Variants in BMP6 observed in about 807,000 individuals in gnomAD.
The protein encoded by BMP6 is bone morphogenetic protein 6.
Under a neutral mutation model 54.1 loss-of-function variants are expected in BMP6, and 17 were observed. The observed-to-expected ratio is 0.31, with a 90% CI of 0.22 to 0.47. BMP6 has a LOEUF of 0.47. BMP6 is among the 20% of genes least tolerant of loss of function. The pLI is 1.00. For missense variants in BMP6, 720 were observed against 690.4 expected, an observed-to-expected ratio of 1.04 and a Z score of -0.48; for synonymous variants, 328 against 291.2, an observed-to-expected ratio of 1.13 and a Z score of -1.28.
chr6:7,875,890 A>G (rs1051367898), intron 4 of BMP6, among the ~76,000 whole-genome samples: 2 of 152,204 alleles, frequency 1.3e-5, no homozygotes, highest in Admixed American at 6.5e-5. Flanking sequence ...GATCCCTCCA[A>G]TGTGGTCATC....
chr6:7,850,198 A>C (rs1212676180), intron 2 of BMP6, among the ~76,000 whole-genome samples: 1 of 152,060 alleles, frequency 6.6e-6, no homozygotes, highest in Non-Finnish European at 1.5e-5. Context: ...GCTGGAGTGC[A>C]GTGGTGCGAT....
chr6:7,826,104 A>G (rs540154995), intron 1 of BMP6, among the ~76,000 whole-genome samples: 2 of 152,328 alleles, frequency 1.3e-5, no homozygotes, highest in South Asian at 4.1e-4. Context: ...CCCCAGGAGC[A>G]TGCAGTGGTG....
chr6:7,741,345 GAATGC>G (rs1757251855), intron 1 of BMP6, among the ~76,000 whole-genome samples: 3 of 152,238 alleles, frequency 2.0e-5, no homozygotes, highest in Admixed American at 1.3e-4. Flanking sequence ...ACCCAGGCTG[GAATGC>G]AGTGGTGCGA....
At chr6:7,877,578 G>A (rs922128637) in intron 4 of BMP6, among the ~76,000 whole-genome samples, 14 of 151,998 alleles carry the variant, frequency 9.2e-5, no homozygotes, top group African/African-American at 1.5e-4. Context: ...AGCCGAGCTC[G>A]TGCCATTGCA....
At chr6:7,791,158 T>C (rs1413158755) in intron 1 of BMP6, among the ~76,000 whole-genome samples, 1 of 152,176 alleles carries the variant, frequency 6.6e-6, no homozygotes, top group African/African-American at 2.4e-5. Context: ...CATGGTCACT[T>C]GTATGAGAGG....
chr6:7,741,143 T>G (rs1320542905), intron 1 of BMP6, among the ~76,000 whole-genome samples: 1 of 152,202 alleles, frequency 6.6e-6, no homozygotes, highest in Non-Finnish European at 1.5e-5. Context: ...ATTCTGTTTT[T>G]TAAACCCCAG....
At chr6:7,777,185 T>C (rs1354323839) in intron 1 of BMP6, among the ~76,000 whole-genome samples, 1 of 152,204 alleles carries the variant, frequency 6.6e-6, no homozygotes, top group Admixed American at 6.5e-5. Flanking sequence ...AGGTGCCTTC[T>C]GGATCTGTGC....
At chr6:7,796,684 A>G (rs907639617) in intron 1 of BMP6, among the ~76,000 whole-genome samples, 1 of 152,232 alleles carries the variant, frequency 6.6e-6, no homozygotes, top group Non-Finnish European at 1.5e-5. Flanking sequence ...TACTTATAAA[A>G]TAAATGTTTT....
At chr6:7,796,636 A>G (rs1318105831) in intron 1 of BMP6, among the ~76,000 whole-genome samples, 2 of 152,246 alleles carry the variant, frequency 1.3e-5, no homozygotes, top group African/African-American at 2.4e-5. Context: ...GGGTATCTTC[A>G]TAGTGAAGAA....
Position 7,881,684 on chromosome 6 carries a change from TTA to T in BMP6, c.*1343_*1344del, listed in dbSNP as rs1759746328. On this transcript the variant is annotated 3_prime_UTR_variant, in exon 7 of 7. Coordinates refer to ENST00000283147, the MANE Select transcript of BMP6 (RefSeq NM_001718.6). ...AGGTTGGGTTTTTTTAAAAAAAGAA[TTA>T]TCTGTGAACCATACGTGATTAATAA... The T allele has an allele frequency of 1.3e-5, 2 of 151,686 alleles. No individual in the cohort carries two copies. Among genetic ancestry groups the T allele is most frequent in the Non-Finnish European group, 1.5e-5 (1 of 67,628 alleles). The allele number at this position is 151,686 out of a possible 1,614,324, so 9.4% of individuals were successfully genotyped here. A position where few individuals can be genotyped will look rare whatever the true frequency, so the allele number is the denominator to read the frequency against.
intron 4 of BMP6, among the ~76,000 whole-genome samples, chr6:7,865,806 C>T (rs1759412548): frequency 6.6e-6 from 1 of 152,180 alleles, no homozygotes; most frequent in Non-Finnish European, 1.5e-5. Flanking sequence ...GGCGTGCTCC[C>T]AGGGAGTTGA....
intron 2 of BMP6, among the ~76,000 whole-genome samples, chr6:7,848,690 A>G (rs1310090804): frequency 6.6e-6 from 1 of 152,242 alleles, no homozygotes; most frequent in Non-Finnish European, 1.5e-5. Context: ...AGTGGGCAAG[A>G]AGAACCCATC....
At chr6:7,744,335 G>C (rs897145660) in intron 1 of BMP6, among the ~76,000 whole-genome samples, 1 of 152,122 alleles carries the variant, frequency 6.6e-6, no homozygotes, top group Non-Finnish European at 1.5e-5. Flanking sequence ...AATTAGCCTG[G>C]TGTGGTGGCG....
intron 1 of BMP6, among the ~76,000 whole-genome samples, chr6:7,833,937 C>T (rs954936322): frequency 1.3e-5 from 2 of 152,282 alleles, no homozygotes; most frequent in East Asian, 1.9e-4. Context: ...GCAAACTTGC[C>T]TAAAGTATGA....
At chr6:7,773,797 T>C (rs1757823502) in intron 1 of BMP6, among the ~76,000 whole-genome samples, 1 of 152,234 alleles carries the variant, frequency 6.6e-6, no homozygotes, top group South Asian at 2.1e-4. Flanking sequence ...ACGCGTTTAC[T>C]ACCTGACTTT....
chr6:7,803,705 T>C (rs913329922), intron 1 of BMP6, among the ~76,000 whole-genome samples: 14 of 152,308 alleles, frequency 9.2e-5, no homozygotes, highest in African/African-American at 1.4e-4. Context: ...TTGTAACTTA[T>C]GAATACCGCT....
At chr6:7,869,986 C>T (rs962399924) in intron 4 of BMP6, among the ~76,000 whole-genome samples, 10 of 152,244 alleles carry the variant, frequency 6.6e-5, no homozygotes, top group African/African-American at 2.4e-4. Context: ...TCCACCACCA[C>T]CCTCAGAACA....
intron 1 of BMP6, among the ~76,000 whole-genome samples, chr6:7,825,402 G>T (rs147948619): frequency 3.3e-5 from 5 of 152,190 alleles, no homozygotes; most frequent in African/African-American, 1.2e-4. Context: ...ACAAAATCTG[G>T]CCATCTCTGA....
At chr6:7,819,136 G>A (rs1247438548) in intron 1 of BMP6, among the ~76,000 whole-genome samples, 1 of 152,164 alleles carries the variant, frequency 6.6e-6, no homozygotes, top group African/African-American at 2.4e-5. Flanking sequence ...ACATATGTGA[G>A]TGTGTGACTG....
Sources: gnomAD v4.1 joint callset for allele counts (sites outside exome capture counted in the v4.1 genomes callset) on GRCh38, gnomAD v4.1.1 for gene constraint, MANE v1.5 for transcripts, NCBI Gene and HGNC (gene_info 2026-07-23, HGNC 2026-07-21) for gene names.